PAK3: variants seen among roughly 807,000 people sequenced by gnomAD.
PAK3 encodes serine/threonine-protein kinase PAK 3.
A neutral mutation model predicts 41.0 loss-of-function variants in PAK3; 4 were observed. That is an observed-to-expected ratio of 0.10 (90% CI 0.05 to 0.22). The LOEUF is 0.22. PAK3 is among the 10% of genes least tolerant of loss of function. PAK3 has a pLI of 1.00. For synonymous variants in PAK3, 146 were observed against 139.6 expected, an observed-to-expected ratio of 1.05 and a Z score of -0.32; for missense variants, 205 against 409.9, an observed-to-expected ratio of 0.50 and a Z score of 4.32.
At chrX:111,137,855 C>T (rs1437190053) in intron 5 of PAK3, among the ~76,000 whole-genome samples, 5 of 111,551 alleles carry the variant, frequency 4.5e-5, no homozygotes, top group Admixed American at 9.5e-5. Context: ...CTTTTTTGGA[C>T]TTCTGCTCTC....
chrX:111,171,725 G>A (rs1359036784), intron 10 of PAK3, among the ~76,000 whole-genome samples: 1 of 111,660 alleles, frequency 9.0e-6, no homozygotes, highest in Non-Finnish European at 1.9e-5. Flanking sequence ...AAGATGGGGA[G>A]TAACTGCTAA....
intron 10 of PAK3, 66 bp from the exon 11 acceptor site, chrX:111,172,952 A>G (rs1037150102): frequency 1.3e-5 from 8 of 610,909 alleles, no homozygotes; most frequent in African/African-American, 2.3e-5. Flanking sequence ...ATCAATTTCT[A>G]TTTCTCTCTC....
At chrX:111,029,478 TA>T (rs1171164779) in intron 1 of PAK3, among the ~76,000 whole-genome samples, 1 of 112,158 alleles carries the variant, frequency 8.9e-6, no homozygotes, top group Non-Finnish European at 1.9e-5. Context: ...TTATATGCAT[TA>T]TATACTGTAT....
At chrX:111,139,467 A>T (rs2093840906) in intron 5 of PAK3, among the ~76,000 whole-genome samples, 1 of 111,417 alleles carries the variant, frequency 9.0e-6, no homozygotes, top group Non-Finnish European at 1.9e-5. Flanking sequence ...GAGGATCATA[A>T]TTTTTTTTCA....
At chrX:111,107,948 A>T (rs746436488) in intron 4 of PAK3, among the ~76,000 whole-genome samples, 1 of 112,014 alleles carries the variant, frequency 8.9e-6, no homozygotes, top group African/African-American at 3.2e-5. Context: ...GCTCAGATTG[A>T]GGATTGTCTG....
At chrX:111,038,533 G>A (rs750209760) in intron 1 of PAK3, among the ~76,000 whole-genome samples, 9 of 111,898 alleles carry the variant, frequency 8.0e-5, no homozygotes, top group African/African-American at 2.9e-4. Flanking sequence ...GTACTAAGGT[G>A]GGTGCAGTTT....
chrX:111,100,270 C>T (rs747148912), intron 3 of PAK3, among the ~76,000 whole-genome samples: 5 of 111,355 alleles, frequency 4.5e-5, no homozygotes, highest in South Asian at 7.8e-4. Flanking sequence ...CCTTCTCCTT[C>T]GTGCCCTCCT....
chrX:111,014,672 G>A (rs1346269448), intron 1 of PAK3, among the ~76,000 whole-genome samples: 1 of 111,623 alleles, frequency 9.0e-6, no homozygotes, highest in African/African-American at 3.3e-5. Context: ...ACACAACTGG[G>A]ACATTCTTTA....
chrX:111,142,923 A>G (rs2093892572), intron 6 of PAK3, among the ~76,000 whole-genome samples: 1 of 110,769 alleles, frequency 9.0e-6, no homozygotes, highest in Non-Finnish European at 1.9e-5. Flanking sequence ...AAATAGCACA[A>G]GATCTCAGAT....
chrX:110,958,397 C>T (rs865885652), intron 1 of PAK3, among the ~76,000 whole-genome samples: 7 of 110,947 alleles, frequency 6.3e-5, no homozygotes, highest in Middle Eastern at 4.7e-3. Context: ...TTAAGAGTGG[C>T]GAGAAGAGAA....
At chrX:111,121,340 C>A (rs1478728069) in intron 4 of PAK3, among the ~76,000 whole-genome samples, 9 of 111,950 alleles carry the variant, frequency 8.0e-5, no homozygotes, top group Non-Finnish European at 1.5e-4. Flanking sequence ...AAATCAAAAT[C>A]AAACCAATTG....
At chrX:111,166,456 T>A (rs994234844) in intron 10 of PAK3, among the ~76,000 whole-genome samples, 19 of 111,065 alleles carry the variant, frequency 1.7e-4, no homozygotes, top group African/African-American at 6.2e-4. Flanking sequence ...TGCGCCACCA[T>A]GCCCAGCTAA....
chrX:111,035,163 GAAA>G (rs2092386849), intron 1 of PAK3, among the ~76,000 whole-genome samples: 1 of 91,065 alleles, frequency 1.1e-5, no homozygotes, highest in Non-Finnish European at 2.2e-5. Flanking sequence ...AAGGAAGAAA[GAAA>G]GAAAGAAAGA....
chrX:111,014,453 G>A (rs2092058824), intron 1 of PAK3, among the ~76,000 whole-genome samples: 1 of 111,581 alleles, frequency 9.0e-6, no homozygotes. Context: ...AGAAAGTAGG[G>A]AAGCTCTGGG....
intron 1 of PAK3, among the ~76,000 whole-genome samples, chrX:110,970,432 T>C (rs376159730): frequency 8.9e-6 from 1 of 111,878 alleles, no homozygotes. Context: ...AAAGAATGAG[T>C]TCATGTCCTT....
chrX:111,080,300 A>C (rs778353651), intron 1 of PAK3, among the ~76,000 whole-genome samples: 3 of 111,642 alleles, frequency 2.7e-5, no homozygotes, highest in Non-Finnish European at 3.8e-5. Flanking sequence ...ACAGCCCCCC[A>C]ATCTACAGCA....
chrX:111,144,720 A>G, intron 6 of PAK3: 2 of 342,011 alleles, frequency 5.8e-6, no homozygotes, highest in Non-Finnish European at 1.1e-5. Context: ...CTCTTTGGCT[A>G]ATTGGCCCAT....
At chrX:111,035,105 CAAAAAAAAAAAAAAAAA>C (rs533876214) in intron 1 of PAK3, among the ~76,000 whole-genome samples, 5 of 39,556 alleles carry the variant, frequency 1.3e-4, no homozygotes, top group African/African-American at 2.8e-4. Flanking sequence ...GACCCTGTCT[CAAAAAAAAAAAAAAAAA>C]AAAAAAAAAA....
intron 1 of PAK3, among the ~76,000 whole-genome samples, chrX:111,084,463 C>A (rs1428411275): frequency 8.9e-6 from 1 of 112,576 alleles, no homozygotes; most frequent in South Asian, 3.6e-4. Context: ...AAATGTTTAG[C>A]CCTAACTGTG....
Sources: allele counts gnomAD v4.1 joint callset (sites outside exome capture counted in the v4.1 genomes callset), GRCh38; gene constraint gnomAD v4.1.1; transcripts MANE v1.5; gene names NCBI Gene and HGNC (gene_info 2026-07-23, HGNC 2026-07-21).